The following CAPZB variants were observed in gnomAD, a reference collection of about 807,000 sequenced individuals.
CAPZB encodes the protein F-actin-capping protein subunit beta.
Under a neutral mutation model 38.1 loss-of-function variants are expected in CAPZB, and 2 were observed. That is an observed-to-expected ratio of 0.05 (90% CI 0.02 to 0.17). The LOEUF is 0.17. CAPZB is among the 10% of genes least tolerant of loss of function. The pLI is 1.00. For missense variants in CAPZB, 161 were observed against 334.2 expected, an observed-to-expected ratio of 0.48 and a Z score of 4.04; for synonymous variants, 107 against 127.4, an observed-to-expected ratio of 0.84 and a Z score of 1.08.
chr1:19,424,331 G>C (rs2094413978), intron 1 of CAPZB: 1 of 152,144 alleles, frequency 6.6e-6, no homozygotes, highest in African/African-American at 2.4e-5. Flanking sequence ...CTTAAGTTAT[G>C]ATTATCAGAT....
chr1:19,375,131 G>C (rs1191939602), intron 4 of CAPZB, among the ~76,000 whole-genome samples: 1 of 152,176 alleles, frequency 6.6e-6, no homozygotes, highest in African/African-American at 2.4e-5. Flanking sequence ...TCTGGGAATG[G>C]GAACTTCTGG....
intron 2 of CAPZB, among the ~76,000 whole-genome samples, chr1:19,386,725 G>A (rs1570080635): frequency 6.6e-6 from 1 of 152,198 alleles, no homozygotes; most frequent in Admixed American, 6.5e-5. Flanking sequence ...TGCCCCTCCA[G>A]GGTGCTTTAG....
At chr1:19,406,140 C>G (rs1233403286) in intron 2 of CAPZB, among the ~76,000 whole-genome samples, 1 of 152,238 alleles carries the variant, frequency 6.6e-6, no homozygotes, top group Non-Finnish European at 1.5e-5. Context: ...CGCAAACCGT[C>G]TGATTAGTGA....
intron 1 of CAPZB, among the ~76,000 whole-genome samples, chr1:19,438,070 C>T (rs115671002): frequency 0.015 from 2,302 of 152,272 alleles, 31 homozygotes; most frequent in Middle Eastern, 0.034. Flanking sequence ...ATTGTTCTTA[C>T]CTCCCACTAC....
chr1:19,342,885 G>A (rs1015035124), intron 8 of CAPZB: 1 of 1,408,692 alleles, frequency 7.1e-7, no homozygotes, highest in Admixed American at 1.7e-5. Flanking sequence ...TGTTCAAGAT[G>A]AGTGGAGTGG....
intron 3 of CAPZB, among the ~76,000 whole-genome samples, chr1:19,379,858 T>C (rs2094164573): frequency 6.6e-6 from 1 of 151,932 alleles, no homozygotes; most frequent in Non-Finnish European, 1.5e-5. Context: ...GAGAGAGGAA[T>C]GAAAAGACAG....
intron 1 of CAPZB, among the ~76,000 whole-genome samples, chr1:19,479,084 C>A (rs567066081): frequency 1.8e-4 from 27 of 152,142 alleles, no homozygotes; most frequent in Non-Finnish European, 3.2e-4. Flanking sequence ...GTGGTACGCA[C>A]CTGTAGTCCC....
intron 1 of CAPZB, among the ~76,000 whole-genome samples, chr1:19,474,023 T>C (rs1373889619): frequency 6.6e-6 from 1 of 151,374 alleles, no homozygotes; most frequent in Non-Finnish European, 1.5e-5. Flanking sequence ...TGAGACAGGG[T>C]CTCACTCCAT....
chr1:19,450,144 C>CAAAAAAAAAAAAAAA (rs71008167), intron 1 of CAPZB, among the ~76,000 whole-genome samples: 17 of 35,422 alleles, frequency 4.8e-4, no homozygotes, highest in Admixed American at 2.0e-3. Context: ...ACCCTGTCTC[C>CAAAAAAAAAAAAAAA]AAAAAAAAAA....
chr1:19,449,825 AAG>A (rs1431214787), intron 1 of CAPZB, among the ~76,000 whole-genome samples: 3 of 151,444 alleles, frequency 2.0e-5, no homozygotes, highest in Admixed American at 6.6e-5. Context: ...GAAAGAAAGA[AAG>A]AGAGCGAGAG....
intron 2 of CAPZB, among the ~76,000 whole-genome samples, chr1:19,409,835 C>T (rs2094349840): frequency 6.6e-6 from 1 of 152,240 alleles, no homozygotes; most frequent in Non-Finnish European, 1.5e-5. Flanking sequence ...ATCATTTCGG[C>T]ACTGGCTTAT....
rs1314716076 is a variant in CAPZB, at chr1:19,357,603, G to A, written c.330-40C>T. ...CCAATGTGCCTGTTAGATGCTAAAG[G>A]ACAGATCATCAGCCTGGGTCCCAGG... On this transcript the variant is annotated intron_variant, in intron 4 of 8. Coordinates refer to ENST00000264202, the MANE Select transcript of CAPZB (RefSeq NM_004930.5). This position sits in a 1 kb window ranked among gnomAD's most constrained non-coding sequence, Gnocchi z 4.3. The A allele has an allele frequency of 1.2e-6, 2 of 1,609,868 alleles. No homozygotes were observed. Among genetic ancestry groups the A allele is most frequent in the Non-Finnish European group, 8.5e-7 (1 of 1,176,768 alleles).
intron 2 of CAPZB, among the ~76,000 whole-genome samples, chr1:19,388,862 G>A (rs547767465): frequency 6.6e-6 from 1 of 152,290 alleles, no homozygotes; most frequent in East Asian, 1.9e-4. Context: ...AGTATGCCAG[G>A]TACTAACCAA....
intron 1 of CAPZB, among the ~76,000 whole-genome samples, chr1:19,422,275 TA>T (rs1570219786): frequency 2.0e-5 from 3 of 152,178 alleles, no homozygotes. Context: ...GGGATGCTTC[TA>T]AACATCCCAA....
At position 19,423,460 on chromosome 1, in the gene CAPZB, T is replaced by G. The variant is rs182033074; in HGVS notation, c.4-3710A>C. The stretch of plus-strand genomic sequence containing the variant: ...AGGGAGGGGGCTAGTCCCAGGGGCC[T>G]CCCTAGGATGCTGTCACTTTTATAT... On this transcript the variant is annotated intron_variant, in intron 1 of 8. Transcript: ENST00000264202. Among the ~76,000 whole-genome samples the G allele has an allele frequency of 3.1e-3, 453 of 148,330 alleles. 3 individuals carry two copies. Among genetic ancestry groups the G allele is most frequent in the African/African-American group, 0.011 (438 of 40,276 alleles).
At chr1:19,467,274 T>C (rs1355335867) in intron 1 of CAPZB, among the ~76,000 whole-genome samples, 1 of 152,038 alleles carries the variant, frequency 6.6e-6, no homozygotes, top group African/African-American at 2.4e-5. Flanking sequence ...ATTGTGCTGG[T>C]AGACAGCCAC....
intron 2 of CAPZB, among the ~76,000 whole-genome samples, chr1:19,399,428 C>T (rs1271336061): frequency 1.3e-5 from 2 of 152,158 alleles, no homozygotes; most frequent in Non-Finnish European, 2.9e-5. Context: ...GCAGTGTTGT[C>T]TTTCTCCTCA....
chr1:19,381,956 G>C (rs1162804236), intron 3 of CAPZB, among the ~76,000 whole-genome samples: 1 of 152,128 alleles, frequency 6.6e-6, no homozygotes, highest in Admixed American at 6.5e-5. Flanking sequence ...CCGGGGGAGT[G>C]GATAAGAATC....
chr1:19,389,258 C>T (rs2094219243), intron 2 of CAPZB, among the ~76,000 whole-genome samples: 1 of 152,166 alleles, frequency 6.6e-6, no homozygotes, highest in Non-Finnish European at 1.5e-5. Context: ...CAAACAACCA[C>T]ACGGTCCCAT....
Sources: allele counts gnomAD v4.1 joint callset (sites outside exome capture counted in the v4.1 genomes callset), GRCh38; gene constraint gnomAD v4.1.1; non-coding constraint Gnocchi (gnomAD v3.1); transcripts MANE v1.5; gene names NCBI Gene and HGNC (gene_info 2026-07-23, HGNC 2026-07-21).